KAT6A: variants seen among roughly 807,000 people sequenced by gnomAD.
KAT6A encodes the protein histone acetyltransferase KAT6A.
KAT6A carries 9 observed loss-of-function variants against 198.4 expected under a neutral mutation model. The observed-to-expected ratio is 0.05, with a 90% confidence interval of 0.03 to 0.08. KAT6A has a LOEUF of 0.08. KAT6A is among the 10% of genes least tolerant of loss of function. The probability of loss-of-function intolerance (pLI) is 1.00; values close to 1 mark genes in which losing one functional copy is unlikely to be tolerated. For synonymous variants in KAT6A, 890 were observed against 883.0 expected, an observed-to-expected ratio of 1.01 and a Z score of -0.14; for missense variants, 2,077 against 2,509.9, an observed-to-expected ratio of 0.83 and a Z score of 3.69.
intron 5 of KAT6A, among the ~76,000 whole-genome samples, chr8:41,979,210 G>T (rs1824222281): frequency 6.6e-6 from 1 of 152,234 alleles, no homozygotes; most frequent in South Asian, 2.1e-4. Context: ...GGAGGTTGCA[G>T]TGAGCCGAGA....
At position 41,972,181 on chromosome 8, in the gene KAT6A, C is replaced by T. The variant is rs1823826099; in HGVS notation, c.1482+2523G>A. 2.0e-5 allele frequency among the ~76,000 whole-genome samples: 3 copies of T among 150,030 alleles called. No individual in the cohort carries two copies. In the South Asian group the frequency reaches 6.6e-4, roughly 33 times the overall value. ...CCATAAAATAATCTATGAGTTTAAA[C>T]AAAATGAATAAACAAATAGGAAGAA... is the stretch of plus-strand genomic sequence containing the variant. On this transcript the variant is annotated intron_variant, in intron 8 of 16. Transcript: ENST00000265713.
Position 41,931,434 on chromosome 8 carries a change from T to C in KAT6A, c.*771A>G. 1 of 208,052 alleles carries C rather than the reference T, an allele frequency of 4.8e-6. No individual in the cohort carries two copies. 12.9% of individuals were successfully genotyped at this position (208,052 alleles called of 1,614,324 possible). A position where few individuals can be genotyped will look rare whatever the true frequency, so the allele number is the denominator to read the frequency against. ...TGTTAATTGAGACTTACAGTATTTT[T>C]GTGTCTCTGAGTGCTGAGTGGGAAT... On this transcript the variant is annotated 3_prime_UTR_variant, in exon 17 of 17. Coordinates refer to ENST00000265713, the MANE Select transcript of KAT6A (RefSeq NM_006766.5).
intron 2 of KAT6A, among the ~76,000 whole-genome samples, chr8:42,027,532 C>T (rs993221373): frequency 2.0e-5 from 3 of 151,972 alleles, no homozygotes; most frequent in East Asian, 1.9e-4. Flanking sequence ...GTAGGTTGTA[C>T]GTGTCCAGTA....
At chr8:42,031,417 G>T (rs928267584) in intron 2 of KAT6A, among the ~76,000 whole-genome samples, 1 of 151,894 alleles carries the variant, frequency 6.6e-6, no homozygotes, top group African/African-American at 2.4e-5. Context: ...ATTTTGAGAG[G>T]ATAAAGAGAG....
chr8:42,046,436 T>A (rs1023972877), intron 2 of KAT6A, among the ~76,000 whole-genome samples: 2 of 152,144 alleles, frequency 1.3e-5, no homozygotes, highest in African/African-American at 4.8e-5. Flanking sequence ...CTTGGGAGGC[T>A]GAGGCAAGAG....
intron 8 of KAT6A, among the ~76,000 whole-genome samples, chr8:41,967,274 A>AATTAATTTATTTATTT (rs1823550045): frequency 7.0e-6 from 1 of 142,798 alleles, no homozygotes. Context: ...TAAAAAAAAA[A>AATTAATTTATTTATTT]ATTTATTTAT....
At chr8:41,948,288 A>G (rs904691072) in intron 10 of KAT6A, among the ~76,000 whole-genome samples, 1 of 152,244 alleles carries the variant, frequency 6.6e-6, no homozygotes, top group Non-Finnish European at 1.5e-5. Context: ...CTTCTAAAAT[A>G]CATTTATTAG....
chr8:41,938,433 TAGTC>T (rs1210241497), intron 15 of KAT6A, among the ~76,000 whole-genome samples: 1 of 152,216 alleles, frequency 6.6e-6, no homozygotes, highest in Non-Finnish European at 1.5e-5. Context: ...GAACAGCAGT[TAGTC>T]AATGTTCAAT....
intron 2 of KAT6A, among the ~76,000 whole-genome samples, chr8:41,990,166 G>A (rs1043370471): frequency 2.0e-5 from 3 of 152,276 alleles, no homozygotes; most frequent in African/African-American, 4.8e-5. Context: ...TTTAGGCAGA[G>A]GAATAGTACG....
chr8:41,993,310 C>T (rs531156134), intron 2 of KAT6A, among the ~76,000 whole-genome samples: 34 of 152,282 alleles, frequency 2.2e-4, no homozygotes, highest in Non-Finnish European at 4.7e-4. Context: ...ACCGTGCTTA[C>T]TCATGACACA....
At chr8:41,999,630 A>T (rs879874060) in intron 2 of KAT6A, among the ~76,000 whole-genome samples, 1 of 152,172 alleles carries the variant, frequency 6.6e-6, no homozygotes, top group Non-Finnish European at 1.5e-5. Flanking sequence ...TCCCTCCTTT[A>T]TATACTAAAC....
At chr8:41,958,639 A>T (rs1015492272) in intron 8 of KAT6A, among the ~76,000 whole-genome samples, 3 of 152,196 alleles carry the variant, frequency 2.0e-5, no homozygotes, top group Admixed American at 2.0e-4. Context: ...AATTTTTCTG[A>T]TTTTAGAAAA....
At chr8:42,013,620 G>A (rs1049745545) in intron 2 of KAT6A, among the ~76,000 whole-genome samples, 27 of 152,114 alleles carry the variant, frequency 1.8e-4, no homozygotes, top group African/African-American at 6.3e-4. Context: ...CACAATATAT[G>A]GGGTTCCTTG....
At position 41,932,613 on chromosome 8, in the gene KAT6A, AGCAGCC is replaced by A. The variant is rs1821609819; in HGVS notation, c.5601_5606del (p.Ala1868_Ala1869del). On this transcript the variant is annotated inframe_deletion, in exon 17 of 17. Transcript: ENST00000265713. ...TACGGCCATACAGCTGCTGCTGGTG[AGCAGCC>A]GCAGAGGGCAGTGGCGCAGACTTGG... 1 of 1,614,060 alleles carries A rather than the reference AGCAGCC, an allele frequency of 6.2e-7. No individual in the cohort carries two copies. Among genetic ancestry groups the A allele is most frequent in the African/African-American group, 1.3e-5 (1 of 75,070 alleles).
rs1296390271 is a variant in KAT6A, at chr8:41,941,178, T to A, written c.2703A>T (p.Glu901Asp). The A allele has an allele frequency of 6.2e-7, 1 of 1,614,080 alleles. No homozygotes were observed. Among genetic ancestry groups the A allele is most frequent in the Non-Finnish European group, 8.5e-7 (1 of 1,180,024 alleles). Residue 901 changes from glutamate (E) to aspartate (D), a missense_variant, in exon 15 of 17, where the codon GAA becomes GAT. Transcript: ENST00000265713. ...GGGTGGCTTCTGATTTCTCCCCACA[T>A]TCTCCATATTGTTCCTGAGGAGCTG... ...TSSAPQEQYG[E>D]CGEKSEATQE...
At chr8:42,026,863 T>TC (rs1467741594) in intron 2 of KAT6A, among the ~76,000 whole-genome samples, 1 of 152,216 alleles carries the variant, frequency 6.6e-6, no homozygotes, top group Non-Finnish European at 1.5e-5. Context: ...GAAAAGGCTT[T>TC]CAGCTTTTCC....
At chr8:41,987,886 A>G (rs1352106814) in intron 2 of KAT6A, among the ~76,000 whole-genome samples, 1 of 152,246 alleles carries the variant, frequency 6.6e-6, no homozygotes, top group Non-Finnish European at 1.5e-5. Context: ...AATAAGTTCA[A>G]GAAGACACAG....
chr8:42,023,291 T>C (rs902305604), intron 2 of KAT6A, among the ~76,000 whole-genome samples: 1 of 152,120 alleles, frequency 6.6e-6, no homozygotes, highest in African/African-American at 2.4e-5. Flanking sequence ...CACATTACTA[T>C]ACACTAATAC....
At chr8:41,994,723 T>C (rs1382104662) in intron 2 of KAT6A, among the ~76,000 whole-genome samples, 1 of 152,148 alleles carries the variant, frequency 6.6e-6, no homozygotes, top group African/African-American at 2.4e-5. Flanking sequence ...ATGAAGACTC[T>C]GATTTTCACC....
Sources: allele counts gnomAD v4.1 joint callset (sites outside exome capture counted in the v4.1 genomes callset), GRCh38; gene constraint gnomAD v4.1.1; transcripts MANE v1.5; gene names NCBI Gene and HGNC (gene_info 2026-07-23, HGNC 2026-07-21).